DENND4A: variants seen among roughly 807,000 people sequenced by gnomAD.
The protein encoded by DENND4A is DENN domain containing 4A.
DENND4A carries 70 observed loss-of-function variants against 199.3 expected under a neutral mutation model. That is an observed-to-expected ratio of 0.35 (90% confidence interval 0.29 to 0.43). DENND4A has a LOEUF of 0.43. DENND4A is among the 20% of genes least tolerant of loss of function. DENND4A has a pLI of 1.00. For missense variants in DENND4A, 1,723 were observed against 2,255.8 expected (o/e 0.76, Z 4.78); for synonymous variants, 686 against 766.9 (o/e 0.89, Z 1.74).
chr15:65,776,554 T>C (rs1436201461), intron 1 of DENND4A, among the ~76,000 whole-genome samples: 1 of 152,220 alleles, frequency 6.6e-6, no homozygotes, highest in Non-Finnish European at 1.5e-5. Context: ...TTAGAAAGTC[T>C]ATTTACCTAC....
At position 65,761,137 on chromosome 15, in the gene DENND4A, T is replaced by C. The variant is rs1295977992; in HGVS notation, c.-23+223A>G. Among the ~76,000 whole-genome samples the C allele has an allele frequency of 2.6e-5, 4 of 152,294 alleles. No homozygotes were observed. In the East Asian group the frequency reaches 5.8e-4, roughly 22 times the overall value. The stretch of plus-strand genomic sequence containing the variant: ...CTAAAAGGGAACCGTATACTTCACA[T>C]TGAAGATTTTGTCTCTAATAAATGG... On this transcript the variant is annotated intron_variant, in intron 2 of 32. Coordinates refer to ENST00000443035, the MANE Select transcript of DENND4A (RefSeq NM_001320835.1).
chr15:65,786,935 C>T (rs1209741481), intron 1 of DENND4A, among the ~76,000 whole-genome samples: 1 of 151,986 alleles, frequency 6.6e-6, no homozygotes, highest in African/African-American at 2.4e-5. Context: ...CTGGGGAGAA[C>T]AAAAGGGACT....
At chr15:65,726,371 C>T (rs2075803338) in intron 11 of DENND4A, among the ~76,000 whole-genome samples, 1 of 152,152 alleles carries the variant, frequency 6.6e-6, no homozygotes, top group African/African-American at 2.4e-5. Context: ...AAAAATATTA[C>T]ATCACGTAAC....
Position 65,669,860 on chromosome 15 carries a change from G to A in DENND4A, c.4706C>T (p.Thr1569Met), listed in dbSNP as rs533300984. The stretch of plus-strand genomic sequence containing the variant: ...TGATGTTGAAATGCAAGACTGCCTC[G>A]TCTGACTTGAAATGGAGGATGGAAA... The part of the protein sequence containing the change: ...MHFPSSISSQ[T>M]RQSCISTSAS... The change falls in exon 27 of 33, where the codon ACG becomes ATG. Residue 1569 changes from threonine (T) to methionine (M), a missense_variant. Thr to Met is a moderately conservative substitution (Grantham distance 81). Transcript: ENST00000443035. The A allele has an allele frequency of 5.6e-6, 9 of 1,613,764 alleles. No individual in the cohort carries two copies. Among genetic ancestry groups the A allele is most frequent in the East Asian group, 4.5e-5 (2 of 44,874 alleles).
Position 65,737,780 on chromosome 15 carries a change from CA to C in DENND4A, c.966del (p.Phe322LeufsTer8). The part of the protein sequence containing the change: ...CICLLSHWPF[F>X]DAFRKFLTFL... ...AAAGTCAGAAACTTCCTGAATGCATCAAAAAAAGGCCAGTGAGAAAGAAGAC... is the reference window on the plus strand; with the variant it reads ...AAAGTCAGAAACTTCCTGAATGCATCAAAAAAGGCCAGTGAGAAAGAAGAC... On this transcript the variant is annotated frameshift_variant, in exon 7 of 33. Coordinates refer to ENST00000443035, the MANE Select transcript of DENND4A (RefSeq NM_001320835.1). LOFTEE classifies it high-confidence loss of function. 3 of 1,593,784 alleles carry C rather than the reference CA, an allele frequency of 1.9e-6. No homozygotes were observed. The highest frequency in any genetic ancestry group is 1.8e-5 in the Admixed American group (1 of 57,024).
chr15:65,671,894 T>C lies in DENND4A; in HGVS notation c.4370-8A>G. The C allele has an allele frequency of 6.5e-7, 1 of 1,549,756 alleles. No individual in the cohort carries two copies. Among genetic ancestry groups the C allele is most frequent in the Non-Finnish European group, 8.9e-7 (1 of 1,121,520 alleles). On this transcript the variant is annotated splice_polypyrimidine_tract_variant and splice_region_variant and intron_variant, in intron 24 of 32. Transcript: ENST00000443035. ...CAAACTTCGACAGAGATCCTGTTCA[T>C]TAGTGAAAAACAAAGAACAGAAACC...
At chr15:65,782,921 T>G (rs1366907203) in intron 1 of DENND4A, among the ~76,000 whole-genome samples, 1 of 151,114 alleles carries the variant, frequency 6.6e-6, no homozygotes, top group African/African-American at 2.4e-5. Flanking sequence ...AATGAAGCAG[T>G]GCTATTCTGA....
At chr15:65,746,561 A>C (rs2076404245) in intron 4 of DENND4A, among the ~76,000 whole-genome samples, 1 of 149,808 alleles carries the variant, frequency 6.7e-6, no homozygotes, top group Non-Finnish European at 1.5e-5. Context: ...TAATTTTTGT[A>C]TTTTAGTAGA....
chr15:65,739,952 G>A (rs969892187), intron 5 of DENND4A, among the ~76,000 whole-genome samples: 4 of 152,078 alleles, frequency 2.6e-5, no homozygotes, highest in South Asian at 2.1e-4. Flanking sequence ...AGGCCGAGGC[G>A]GACAGATTGC....
intron 1 of DENND4A, among the ~76,000 whole-genome samples, chr15:65,787,116 T>C (rs1018956719): frequency 6.6e-6 from 1 of 152,174 alleles, no homozygotes; most frequent in Admixed American, 6.5e-5. Flanking sequence ...ACATTTTTGC[T>C]ATTTATTTTT....
intron 14 of DENND4A, among the ~76,000 whole-genome samples, chr15:65,706,566 A>AG (rs1371871006): frequency 6.6e-6 from 1 of 151,196 alleles, no homozygotes; most frequent in East Asian, 1.9e-4. Context: ...GCACGATCTC[A>AG]GCTCACTGCA....
intron 6 of DENND4A, 35 bp downstream of exon 6, chr15:65,738,671 A>C: frequency 6.4e-7 from 1 of 1,562,602 alleles, no homozygotes. Flanking sequence ...AATGTACAAG[A>C]AATTTGTAGA....
intron 8 of DENND4A, 131 bp from the exon 9 acceptor site, chr15:65,731,831 C>A (rs1173746929): frequency 1.7e-6 from 1 of 584,304 alleles, no homozygotes; most frequent in Non-Finnish European, 3.0e-6. Flanking sequence ...AGTATCAGAA[C>A]ACTTTGTATC....
intron 7 of DENND4A, among the ~76,000 whole-genome samples, chr15:65,734,573 C>T (rs1392443981): frequency 6.6e-6 from 1 of 152,082 alleles, no homozygotes; most frequent in Non-Finnish European, 1.5e-5. Flanking sequence ...TCTCTTGTTC[C>T]ACCTAACGAG....
rs1378743451 is a variant in DENND4A at position 65,661,694 on chromosome 15, CTTCTT to C, written c.*152_*156del. On this transcript the variant is annotated 3_prime_UTR_variant, in exon 33 of 33. Transcript: ENST00000443035. Reference sequence around the variant, plus strand: ...CTTTCTCCCCACTTGTCACTATTCTCTTCTTCAAACATTCTGTACATAAGCTGTCT... The same window carrying C: ...CTTTCTCCCCACTTGTCACTATTCTCCAAACATTCTGTACATAAGCTGTCT... The C allele has an allele frequency of 1.8e-6, 1 of 563,438 alleles. No individual in the cohort carries two copies. The highest frequency in any genetic ancestry group is 2.8e-6 in the Non-Finnish European group (1 of 361,396). 34.9% of individuals were successfully genotyped at this position (563,438 alleles called of 1,614,324 possible).
Position 65,717,820 on chromosome 15 carries a change from A to G in DENND4A, c.1765T>C (p.Ser589Pro). ...SYLRPITQAP[S>P]ETATDAASLF... ...GAGGCTGCATCTGTGGCTGTCTCAG[A>G]TGGGGCTTGTGTTATTGGCCTTAAG... The change falls in exon 13 of 33, where the codon TCT (serine) becomes CCT (proline). Residue 589 changes from serine to proline, a missense_variant. Ser to Pro is a moderately conservative substitution (Grantham distance 74). Transcript: ENST00000443035. The G allele has an allele frequency of 6.2e-7, 1 of 1,606,710 alleles. No individual in the cohort carries two copies. Among genetic ancestry groups the G allele is most frequent in the Non-Finnish European group, 8.5e-7 (1 of 1,176,242 alleles).
intron 27 of DENND4A, among the ~76,000 whole-genome samples, chr15:65,669,019 C>T (rs781712021): frequency 2.0e-4 from 31 of 152,068 alleles, no homozygotes; most frequent in Non-Finnish European, 4.4e-4. Flanking sequence ...GCAGAAAGCA[C>T]ACTAGACCAT....
intron 23 of DENND4A, among the ~76,000 whole-genome samples, chr15:65,683,071 GAAGT>G (rs1189203087): frequency 6.6e-6 from 1 of 152,156 alleles, no homozygotes; most frequent in African/African-American, 2.4e-5. Context: ...ACAGAGACAT[GAAGT>G]AAGCACACGC....
At chr15:65,714,562 C>T (rs992982239) in intron 14 of DENND4A, among the ~76,000 whole-genome samples, 1 of 152,148 alleles carries the variant, frequency 6.6e-6, no homozygotes, top group Non-Finnish European at 1.5e-5. Context: ...TTTTGACAAC[C>T]CCCTCCAGAC....
Sources: allele counts gnomAD v4.1 joint callset (sites outside exome capture counted in the v4.1 genomes callset), GRCh38; gene constraint gnomAD v4.1.1; transcripts MANE v1.5; gene names NCBI Gene and HGNC (gene_info 2026-07-23, HGNC 2026-07-21).